ANK1: variants seen among roughly 807,000 people sequenced by gnomAD.
The protein encoded by ANK1 is ankyrin-1.
A neutral mutation model predicts 210.4 loss-of-function variants in ANK1; 51 were observed. The observed-to-expected ratio is 0.24, with a 90% CI of 0.19 to 0.31. ANK1 has a LOEUF of 0.31. Among genes scored for constraint, ANK1 ranks in the 10% least tolerant of loss-of-function variants. The probability of loss-of-function intolerance (pLI) is 1.00; values close to 1 mark genes in which losing one functional copy is unlikely to be tolerated. For missense variants in ANK1, 2,051 were observed against 2,504.4 expected (o/e 0.82, Z 3.86); for synonymous variants, 967 against 1,025.9 (o/e 0.94, Z 1.10).
At chr8:41,784,395 C>T (rs1200255056) in intron 1 of ANK1, among the ~76,000 whole-genome samples, 1 of 152,202 alleles carries the variant, frequency 6.6e-6, no homozygotes, top group Non-Finnish European at 1.5e-5. Context: ...TAGAATTAAT[C>T]AATTCCCTAA....
At chr8:41,782,789 G>A (rs1845607834) in intron 1 of ANK1, among the ~76,000 whole-genome samples, 1 of 152,132 alleles carries the variant, frequency 6.6e-6, no homozygotes, top group Non-Finnish European at 1.5e-5. Flanking sequence ...GTGTAAATCT[G>A]GATCCGAAAT....
intron 36 of ANK1, among the ~76,000 whole-genome samples, chr8:41,685,456 C>T (rs112002941): frequency 0.027 from 4,037 of 152,272 alleles, 149 homozygotes; most frequent in African/African-American, 0.085. Flanking sequence ...TGAGGCAAAG[C>T]TCCCTCCAGG....
intron 1 of ANK1, among the ~76,000 whole-genome samples, chr8:41,874,088 G>A (rs914099927): frequency 3.3e-5 from 5 of 152,154 alleles, no homozygotes; most frequent in Non-Finnish European, 7.4e-5. Flanking sequence ...AGAGACCTGC[G>A]GACACACAAC....
At chr8:41,670,491 A>G (rs1218869300) in intron 38 of ANK1, among the ~76,000 whole-genome samples, 1 of 152,170 alleles carries the variant, frequency 6.6e-6, no homozygotes, top group African/African-American at 2.4e-5. Context: ...CCGTCCCAGG[A>G]AGGTGTCTCT....
chr8:41,663,859 CCAGCAGGAAACCCGGCT>C, intron 39 of ANK1, 117 bp from the exon 40 acceptor site: 2 of 842,910 alleles, frequency 2.4e-6, no homozygotes, highest in Admixed American at 1.9e-5. Context: ...AATAACTCCC[CCAGCAGGAAACCCGGCT>C]CAGCATGTAG....
Position 41,722,378 on chromosome 8 carries a change from A to G in ANK1, c.909+747T>C, listed in dbSNP as rs542922878. Among the ~76,000 whole-genome samples, 6 of 152,354 alleles carry G rather than the reference A, an allele frequency of 3.9e-5. No homozygotes were observed. In the East Asian group the frequency reaches 1.2e-3, roughly 29 times the overall value. ...CAGCTTTCACTGTATGGTCTAAGCC[A>G]TCATTTTATGACAGAACTGCTCGTG... On this transcript the variant is annotated intron_variant, in intron 9 of 42. Transcript: ENST00000289734.
intron 1 of ANK1, among the ~76,000 whole-genome samples, chr8:41,793,691 C>T (rs892609285): frequency 6.6e-6 from 1 of 152,208 alleles, no homozygotes; most frequent in Non-Finnish European, 1.5e-5. Context: ...AGCTCATGCT[C>T]CAGAACCTTG....
chr8:41,696,787 A>C lies in ANK1; in HGVS notation c.2638-14T>G, dbSNP rs1427018217. 1 of 1,595,826 alleles carries C rather than the reference A, an allele frequency of 6.3e-7. No homozygotes were observed. The highest frequency in any genetic ancestry group is 1.1e-5 in the South Asian group (1 of 90,784). ...CTCTTTAGATGCCTGAGGAGAGAGA[A>C]AGGGTCCTCCTGTCCCACCTCCTCC... is the stretch of plus-strand genomic sequence containing the variant. On this transcript the variant is annotated splice_polypyrimidine_tract_variant and intron_variant, in intron 24 of 42. Transcript: ENST00000289734.
Position 41,701,583 on chromosome 8 carries a change from C to T in ANK1, c.2428G>A (p.Val810Ile). Residue 810 changes from valine to isoleucine, a missense_variant, in exon 22 of 43, where the codon GTT (valine) becomes ATT (isoleucine). Physicochemically the swap from Val to Ile is conservative, Grantham distance 29. This residue lies in a region of ANK1 where 1,413 missense variants were observed against 1,707.4 expected (regional missense o/e 0.83). Coordinates refer to ENST00000289734, the MANE Select transcript of ANK1 (RefSeq NM_000037.4). ...DKHRMSFPETVDEILDVSEDE... is the reference protein window; with the variant it reads ...DKHRMSFPETIDEILDVSEDE... Reference sequence around the variant, plus strand: ...TCCGAGACATCCAGGATCTCATCAACTGTCTCAGGGAAACTCATTCGATGC... The same window carrying T: ...TCCGAGACATCCAGGATCTCATCAATTGTCTCAGGGAAACTCATTCGATGC... The T allele has an allele frequency of 1.9e-6, 3 of 1,614,178 alleles. No individual in the cohort carries two copies. The Admixed American group carries it at 5.0e-5, about 27-fold the overall frequency.
chr8:41,864,187 T>C (rs901411488), intron 1 of ANK1, among the ~76,000 whole-genome samples: 3 of 150,206 alleles, frequency 2.0e-5, no homozygotes, highest in Non-Finnish European at 3.0e-5. Context: ...GAGGTGGAGC[T>C]TGTAGTGAGC....
chr8:41,774,127 G>C (rs1843524960), intron 1 of ANK1, among the ~76,000 whole-genome samples: 1 of 152,174 alleles, frequency 6.6e-6, no homozygotes, highest in Non-Finnish European at 1.5e-5. Flanking sequence ...CCTGGGCAGG[G>C]AAGTAGGAGA....
Position 41,765,178 on chromosome 8 carries a change from C to CTTTA in ANK1, c.28-7042_28-7041insTAAA, listed in dbSNP as rs750309966. Among the ~76,000 whole-genome samples the CTTTA allele has an allele frequency of 6.8e-4, 71 of 104,768 alleles. 1 individual carries two copies. Among genetic ancestry groups the CTTTA allele is most frequent in the African/African-American group, 2.1e-3 (69 of 33,494 alleles). 68.7% of individuals were successfully genotyped at this position (104,768 alleles called of 152,430 possible). ...TCCTTCCTTTCCTTTCTTTTCCTTT[C>CTTTA]TTTCTTTCTTTCTTTTTCTTTCTCT... On this transcript the variant is annotated intron_variant, in intron 1 of 42. Coordinates refer to ENST00000289734, the MANE Select transcript of ANK1 (RefSeq NM_000037.4).
chr8:41,732,711 C>T (rs1399278960), intron 3 of ANK1, among the ~76,000 whole-genome samples: 2 of 149,088 alleles, frequency 1.3e-5, no homozygotes, highest in South Asian at 4.3e-4. Context: ...CCACGTCCAG[C>T]CTTGTTTCGT....
intron 1 of ANK1, among the ~76,000 whole-genome samples, chr8:41,814,061 A>T (rs1802903675): frequency 6.6e-6 from 1 of 152,222 alleles, no homozygotes. Flanking sequence ...CTATACTGCC[A>T]TTTTAAAAAA....
At chr8:41,679,558 CT>C (rs869249907) in intron 37 of ANK1, among the ~76,000 whole-genome samples, 15,625 of 89,538 alleles carry the variant, frequency 0.17, 479 homozygotes, top group Middle Eastern at 0.23. Flanking sequence ...CCTGGACTTT[CT>C]TTTTTTTTTT....
intron 26 of ANK1, among the ~76,000 whole-genome samples, 193 bp downstream of exon 26, chr8:41,696,170 G>A (rs57546478): frequency 0.013 from 1,991 of 152,302 alleles, 38 homozygotes; most frequent in African/African-American, 0.046. Flanking sequence ...GATTACAGGC[G>A]TGAGCTATCG....
intron 1 of ANK1, chr8:41,788,842 A>C (rs923320125): frequency 1.3e-5 from 2 of 152,174 alleles, no homozygotes. Flanking sequence ...TGGACTAAAG[A>C]CCAAAGTCTC....
intron 1 of ANK1, among the ~76,000 whole-genome samples, chr8:41,868,757 CT>C (rs1263615976): frequency 1.3e-5 from 2 of 152,106 alleles, no homozygotes; most frequent in African/African-American, 2.4e-5. Context: ...CCTTCAAAAT[CT>C]TTTTTAAAAG....
Position 41,696,478 on chromosome 8 carries a change from T to G in ANK1, c.2845A>C (p.Ile949Leu). The G allele has an allele frequency of 6.2e-7, 1 of 1,613,422 alleles. No individual in the cohort carries two copies. The highest frequency in any genetic ancestry group is 8.5e-7 in the Non-Finnish European group (1 of 1,179,964). The change falls in exon 26 of 43, where the codon ATC becomes CTC. Residue 949 changes from isoleucine to leucine, a missense_variant. Physicochemically the swap from Ile to Leu is conservative, Grantham distance 5. This residue lies in a region of ANK1 where 1,413 missense variants were observed against 1,707.4 expected (regional missense o/e 0.83). Transcript: ENST00000289734. ...TGGGGCTTGACCAGGCGGCAGGTGA[T>G]GCGGGTGGGCGCTGCGCACGTCCGT... The part of the protein sequence containing the change: ...PPRTCAAPTR[I>L]TCRLVKPQKL...
Sources: gnomAD v4.1 joint callset for allele counts (sites outside exome capture counted in the v4.1 genomes callset) on GRCh38, gnomAD v4.1.1 for gene constraint, gnomAD v4.1.1 regional missense constraint, MANE v1.5 for transcripts, NCBI Gene and HGNC (gene_info 2026-07-23, HGNC 2026-07-21) for gene names.